ADCY2: variants seen among roughly 807,000 people sequenced by gnomAD.
ADCY2 encodes the protein adenylate cyclase type 2.
In ADCY2, 31 loss-of-function variants were observed where a neutral mutation model predicts 125.2. The ratio of observed to expected loss-of-function variants is 0.25; its 90% confidence interval spans 0.19 to 0.33. The LOEUF is 0.33. Among genes scored for constraint, ADCY2 ranks in the 10% least tolerant of loss-of-function variants. The pLI is 1.00. For synonymous variants in ADCY2, 512 were observed against 548.4 expected, an observed-to-expected ratio of 0.93 and a Z score of 0.93; for missense variants, 904 against 1,418.2, an observed-to-expected ratio of 0.64 and a Z score of 5.82.
chr5:7,429,575 A>T (rs1362137053), intron 2 of ADCY2, among the ~76,000 whole-genome samples: 3 of 152,246 alleles, frequency 2.0e-5, no homozygotes, highest in Non-Finnish European at 4.4e-5. Context: ...CTTTGGGCAT[A>T]ATGGACTTAA....
At chr5:7,447,768 TGTA>T (rs1741325472) in intron 2 of ADCY2, among the ~76,000 whole-genome samples, 1 of 152,130 alleles carries the variant, frequency 6.6e-6, no homozygotes, top group Non-Finnish European at 1.5e-5. Context: ...AAGATGCTGT[TGTA>T]CCAGATCTCA....
At position 7,826,787 on chromosome 5, in the gene ADCY2, C is replaced by T. The variant is rs758182565; in HGVS notation, c.3192C>T (p.Asn1064=). 2.8e-5 allele frequency: 45 copies of T among 1,613,952 alleles called. No homozygotes were observed. The highest frequency in any genetic ancestry group is 1.1e-4 in the East Asian group (5 of 44,888). ...GYTCTCRGII[N]VKGKGDLKTY... ...CGTGCACCTGTCGAGGAATAATCAA[C>T]GTGAAAGGAAAGGGGGACCTGAAGA... The change falls in exon 25 of 25, where the codon AAC becomes AAT. Residue 1064 remains asparagine, a synonymous_variant. Transcript: ENST00000338316.
intron 2 of ADCY2, among the ~76,000 whole-genome samples, chr5:7,514,485 G>T (rs1224724391): frequency 6.6e-6 from 1 of 152,206 alleles, no homozygotes; most frequent in Admixed American, 6.5e-5. Context: ...GAAGTGGGCA[G>T]AAAATACTTG....
At chr5:7,517,740 A>G (rs1008104212) in intron 2 of ADCY2, among the ~76,000 whole-genome samples, 1 of 152,248 alleles carries the variant, frequency 6.6e-6, no homozygotes, top group East Asian at 1.9e-4. Context: ...GTTATTGTGG[A>G]TAAGCCTTCC....
At position 7,722,280 on chromosome 5, in the gene ADCY2, C is replaced by T. The variant is rs552265753; in HGVS notation, c.1704-2265C>T. On this transcript the variant is annotated intron_variant, in intron 12 of 24. Coordinates refer to ENST00000338316, the MANE Select transcript of ADCY2 (RefSeq NM_020546.3). ...AGGTCACAGGCCATGGAAACCTAGA[C>T]TGGGTGCATGCTGGCCCAACTAGTA... Among the ~76,000 whole-genome samples, 89 of 152,316 alleles carry T rather than the reference C, an allele frequency of 5.8e-4. 1 individual carries two copies. In the South Asian group the frequency reaches 0.018, roughly 31 times the overall value.
Position 7,680,599 on chromosome 5 carries a change from A to G in ADCY2, c.721-10092A>G, listed in dbSNP as rs1462071183. Among the ~76,000 whole-genome samples, 4 of 152,198 alleles carry G rather than the reference A, an allele frequency of 2.6e-5. No homozygotes were observed. The East Asian group carries it at 7.7e-4, about 29-fold the overall frequency. On this transcript the variant is annotated intron_variant, in intron 4 of 24. Coordinates refer to ENST00000338316, the MANE Select transcript of ADCY2 (RefSeq NM_020546.3). Reference sequence around the variant, plus strand: ...GCCAGTTGCCTTCCTCTGGACTTAAAGTTTTGGCTAGTCTTAAGAACTTAC... The same window carrying G: ...GCCAGTTGCCTTCCTCTGGACTTAAGGTTTTGGCTAGTCTTAAGAACTTAC...
chr5:7,480,125 A>C (rs529284498), intron 2 of ADCY2, among the ~76,000 whole-genome samples: 1 of 152,290 alleles, frequency 6.6e-6, no homozygotes, highest in East Asian at 1.9e-4. Context: ...AGATGCTGGC[A>C]AGTTTACAGA....
At chr5:7,425,096 C>A (rs537850382) in intron 2 of ADCY2, among the ~76,000 whole-genome samples, 1 of 152,158 alleles carries the variant, frequency 6.6e-6, no homozygotes, top group East Asian at 1.9e-4. Flanking sequence ...CTCACTGTCT[C>A]GAGAGCCCCA....
At chr5:7,729,427 C>A (rs1383294136) in intron 14 of ADCY2, among the ~76,000 whole-genome samples, 2 of 151,764 alleles carry the variant, frequency 1.3e-5, no homozygotes, top group South Asian at 2.1e-4. Flanking sequence ...AATTTGATAT[C>A]TTTCTTTATA....
intron 18 of ADCY2, among the ~76,000 whole-genome samples, chr5:7,776,248 T>C (rs1465271460): frequency 7.7e-6 from 1 of 129,428 alleles, no homozygotes; most frequent in Non-Finnish European, 1.6e-5. Context: ...AGAGTGAACA[T>C]CACTTAATCC....
At chr5:7,648,763 G>T (rs972775954) in intron 4 of ADCY2, among the ~76,000 whole-genome samples, 3 of 152,056 alleles carry the variant, frequency 2.0e-5, no homozygotes, top group Non-Finnish European at 4.4e-5. Context: ...AAGCAAAAAA[G>T]GCATTATTTT....
At chr5:7,539,728 G>T (rs1436315708) in intron 3 of ADCY2, among the ~76,000 whole-genome samples, 1 of 152,186 alleles carries the variant, frequency 6.6e-6, no homozygotes, top group African/African-American at 2.4e-5. Flanking sequence ...TCTAGTGTAG[G>T]TGGCTACTAC....
intron 3 of ADCY2, among the ~76,000 whole-genome samples, chr5:7,587,140 G>A (rs181280528): frequency 3.1e-3 from 475 of 152,176 alleles, no homozygotes; most frequent in Non-Finnish European, 5.0e-3. Context: ...GCCCAGGCCC[G>A]AAGTGCTGAC....
In ADCY2 at chr5:7,804,606, A is replaced by T; in HGVS notation, c.2797A>T (p.Ser933Cys). ...FDDLLSKPKF[S>C]GVEKIKTIGS... ...ACAGCTTCTTTCCAAGCCAAAATTC[A>T]GTGGAGTTGAAAAGATTAAGACCAT... The change falls in exon 22 of 25, where the codon AGT (serine) becomes TGT (cysteine). Residue 933 changes from serine to cysteine, a missense_variant. This residue lies in a region of ADCY2 where 181 missense variants were observed against 381.6 expected (regional missense o/e 0.47). Coordinates refer to ENST00000338316, the MANE Select transcript of ADCY2 (RefSeq NM_020546.3). The T allele has an allele frequency of 6.2e-7, 1 of 1,614,164 alleles. No individual in the cohort carries two copies. The highest frequency in any genetic ancestry group is 1.6e-4 in the Middle Eastern group (1 of 6,062).
At chr5:7,417,989 CTGT>C (rs999945469) in intron 2 of ADCY2, among the ~76,000 whole-genome samples, 2 of 152,024 alleles carry the variant, frequency 1.3e-5, no homozygotes, top group African/African-American at 2.4e-5. Flanking sequence ...ACCTTTTTTG[CTGT>C]TGTTGTTTTA....
At chr5:7,787,327 C>T (rs1425368441) in intron 19 of ADCY2, among the ~76,000 whole-genome samples, 4 of 152,236 alleles carry the variant, frequency 2.6e-5, no homozygotes, top group Non-Finnish European at 5.9e-5. Context: ...AGTCAAATCC[C>T]CCCTCCTTTC....
intron 2 of ADCY2, among the ~76,000 whole-genome samples, chr5:7,416,644 G>A (rs1359564701): frequency 1.3e-5 from 2 of 152,112 alleles, no homozygotes; most frequent in Admixed American, 6.5e-5. Flanking sequence ...AGCCCACCAC[G>A]ACTGCAGGAT....
intron 2 of ADCY2, among the ~76,000 whole-genome samples, chr5:7,430,648 C>A (rs1435307729): frequency 2.0e-5 from 3 of 150,564 alleles, no homozygotes; most frequent in Non-Finnish European, 4.4e-5. Context: ...ATTTTAAAAT[C>A]AATTTTCGTG....
chr5:7,447,338 G>A (rs889382928), intron 2 of ADCY2, among the ~76,000 whole-genome samples: 3 of 152,202 alleles, frequency 2.0e-5, no homozygotes. Flanking sequence ...GGCTATTCCT[G>A]CCCCTCAGAG....
Sources: allele counts gnomAD v4.1 joint callset (sites outside exome capture counted in the v4.1 genomes callset), GRCh38; gene constraint gnomAD v4.1.1; regional missense constraint gnomAD v4.1.1; transcripts MANE v1.5; gene names NCBI Gene and HGNC (gene_info 2026-07-23, HGNC 2026-07-21).